DIO1: variants seen among roughly 807,000 people sequenced by gnomAD.
The protein encoded by DIO1 is iodothyronine deiodinase 1, also known as type I iodothyronine deiodinase.
Under a neutral mutation model 25.9 loss-of-function variants are expected in DIO1, and 17 were observed. That is an observed-to-expected ratio of 0.66 (90% CI 0.45 to 0.98). The LOEUF is 0.98. Among genes scored for constraint, DIO1 ranks in the 50% least tolerant of loss-of-function variants. The pLI is 0.00. For synonymous variants in DIO1, 115 were observed against 114.0 expected (o/e 1.01, Z -0.05); for missense variants, 270 against 310.4 (o/e 0.87, Z 0.98).
chr1:53,899,461 C>T (rs1402722057), intron 1 of DIO1, among the ~76,000 whole-genome samples: 1 of 152,164 alleles, frequency 6.6e-6, no homozygotes, highest in East Asian at 1.9e-4. Flanking sequence ...TGCACCCATC[C>T]TTTACCTCTC....
At chr1:53,902,755 T>C (rs1247536390) in intron 1 of DIO1, among the ~76,000 whole-genome samples, 2 of 151,822 alleles carry the variant, frequency 1.3e-5, no homozygotes, top group African/African-American at 2.4e-5. Context: ...TTCATGGACA[T>C]GGGACCAGTG....
chr1:53,910,174 A>C lies in DIO1; in HGVS notation c.*175A>C. 1 of 611,908 alleles carries C rather than the reference A, an allele frequency of 1.6e-6. No individual in the cohort carries two copies. The highest frequency in any genetic ancestry group is 2.8e-5 in the East Asian group (1 of 35,630). 37.9% of individuals were successfully genotyped at this position (611,908 alleles called of 1,614,324 possible). ...CTGAGGAATGCAGGCCACAGCACCC[A>C]ATCAAGACAAATTGTTATTATCAGA... On this transcript the variant is annotated 3_prime_UTR_variant, in exon 4 of 4. Coordinates refer to ENST00000361921, the MANE Select transcript of DIO1 (RefSeq NM_000792.7).
At position 53,910,736 on chromosome 1, in the gene DIO1, C is replaced by A. The variant is rs1388303152; in HGVS notation, c.*737C>A. 6.6e-6 allele frequency: 1 copy of A among 152,274 alleles called. No individual in the cohort carries two copies. The highest frequency in any genetic ancestry group is 1.5e-5 in the Non-Finnish European group (1 of 68,058). 9.4% of individuals were successfully genotyped at this position (152,274 alleles called of 1,614,324 possible). A position where few individuals can be genotyped will look rare whatever the true frequency, so the allele number is the denominator to read the frequency against. On this transcript the variant is annotated 3_prime_UTR_variant, in exon 4 of 4. Coordinates refer to ENST00000361921, the MANE Select transcript of DIO1 (RefSeq NM_000792.7). Reference sequence around the variant, plus strand: ...GCTCTCTGTACCCTGAAATCTTCCACTAGCCTCACTTTTCAACAGAGTCAT... The same window carrying A: ...GCTCTCTGTACCCTGAAATCTTCCAATAGCCTCACTTTTCAACAGAGTCAT...
At chr1:53,898,744 CAA>C (rs60469690) in intron 1 of DIO1, among the ~76,000 whole-genome samples, 15 of 106,582 alleles carry the variant, frequency 1.4e-4, no homozygotes, top group Admixed American at 4.0e-4. Flanking sequence ...GACTCTGTCT[CAA>C]AAAAAAAAAA....
intron 1 of DIO1, among the ~76,000 whole-genome samples, chr1:53,898,744 C>CAAAAAAAAAAAAAAAA (rs60469690): frequency 9.4e-6 from 1 of 106,626 alleles, no homozygotes; most frequent in Non-Finnish European, 1.9e-5. Context: ...GACTCTGTCT[C>CAAAAAAAAAAAAAAAA]AAAAAAAAAA....
At chr1:53,903,708 G>A (rs1651494933) in intron 1 of DIO1, among the ~76,000 whole-genome samples, 1 of 151,768 alleles carries the variant, frequency 6.6e-6, no homozygotes, top group African/African-American at 2.4e-5. Context: ...AATTAGCCAG[G>A]TGTGGTGGTG....
At chr1:53,905,855 G>C (rs1380440867) in intron 2 of DIO1, among the ~76,000 whole-genome samples, 2 of 152,196 alleles carry the variant, frequency 1.3e-5, no homozygotes, top group African/African-American at 4.8e-5. Context: ...AAGGAGTGCT[G>C]GTTTATTGGA....
At chr1:53,897,981 G>A (rs1651164872) in intron 1 of DIO1, among the ~76,000 whole-genome samples, 2 of 152,176 alleles carry the variant, frequency 1.3e-5, no homozygotes, top group Admixed American at 6.5e-5. Context: ...TGAAATCATA[G>A]GTACTAACAA....
chr1:53,898,467 G>A (rs1277768117), intron 1 of DIO1, among the ~76,000 whole-genome samples: 1 of 152,206 alleles, frequency 6.6e-6, no homozygotes, highest in Non-Finnish European at 1.5e-5. Context: ...GACATTGGCC[G>A]AGCATGGTGG....
At position 53,900,635 on chromosome 1, in the gene DIO1, G is replaced by A. The variant is rs573297644; in HGVS notation, c.338-4031G>A. Among the ~76,000 whole-genome samples the A allele has an allele frequency of 2.0e-5, 3 of 152,178 alleles. No individual in the cohort carries two copies. The East Asian group carries it at 5.8e-4, about 29-fold the overall frequency. ...AAAAAATAAAAAAATTCCATTTAAT[G>A]TGTTAGTATAGGTGTAAGGAGCTTT... On this transcript the variant is annotated intron_variant, in intron 1 of 3. Coordinates refer to ENST00000361921, the MANE Select transcript of DIO1 (RefSeq NM_000792.7).
intron 1 of DIO1, among the ~76,000 whole-genome samples, chr1:53,903,848 T>C (rs1261180820): frequency 6.6e-6 from 1 of 151,724 alleles, no homozygotes; most frequent in African/African-American, 2.4e-5. Flanking sequence ...CTCAAAAAAA[T>C]AAAAAAGAAA....
intron 3 of DIO1, among the ~76,000 whole-genome samples, chr1:53,909,262 A>G (rs1651815568): frequency 6.8e-6 from 1 of 146,774 alleles, no homozygotes; most frequent in Non-Finnish European, 1.5e-5. Context: ...CTAAAAATAC[A>G]AAAATTAGCC....
chr1:53,902,988 G>C (rs61774849), intron 1 of DIO1: 2 of 30,094 alleles, frequency 6.6e-5, no homozygotes, highest in African/African-American at 1.2e-4. Context: ...GCTTGCACAG[G>C]CTCCTGCCTT....
chr1:53,898,374 T>C (rs936328939), intron 1 of DIO1, among the ~76,000 whole-genome samples: 1 of 152,126 alleles, frequency 6.6e-6, no homozygotes, highest in African/African-American at 2.4e-5. Flanking sequence ...TAGCTGCAGG[T>C]TGACTTTATC....
At position 53,894,350 on chromosome 1, in the gene DIO1, A is replaced by G; in HGVS notation, c.140A>G (p.Lys47Arg). Reference protein sequence around the residue: ...VKRNILAMGEKTGMTRNPHFS... With the variant: ...VKRNILAMGERTGMTRNPHFS... ...CGGAACATCCTGGCCATGGGCGAGAAGACGGGTATGACCAGGAACCCCCAT... is the reference window on the plus strand; with the variant it reads ...CGGAACATCCTGGCCATGGGCGAGAGGACGGGTATGACCAGGAACCCCCAT... The change falls in exon 1 of 4, where the codon AAG (lysine) becomes AGG (arginine). Residue 47 changes from lysine (K) to arginine (R), a missense_variant. Coordinates refer to ENST00000361921, the MANE Select transcript of DIO1 (RefSeq NM_000792.7). This position sits in a 1 kb window ranked among gnomAD's most constrained non-coding sequence, Gnocchi z 4.9. The G allele has an allele frequency of 6.2e-7, 1 of 1,614,256 alleles. No homozygotes were observed. The highest frequency in any genetic ancestry group is 8.5e-7 in the Non-Finnish European group (1 of 1,180,048).
chr1:53,894,458 A>G lies in DIO1; in HGVS notation c.248A>G (p.Glu83Gly), dbSNP rs1347009011. 1.2e-6 allele frequency: 2 copies of G among 1,614,096 alleles called. No homozygotes were observed. The highest frequency in any genetic ancestry group is 1.3e-5 in the African/African-American group (1 of 74,918). The change falls in exon 1 of 4, where the codon GAG (glutamate) becomes GGG (glycine). Residue 83 changes from glutamate (E) to glycine (G), a missense_variant. Physicochemically the swap from Glu to Gly is moderately conservative, Grantham distance 98. Transcript: ENST00000361921. This position sits in a 1 kb window ranked among gnomAD's most constrained non-coding sequence, Gnocchi z 4.9. The part of the protein sequence containing the change: ...FVLKVRWQRL[E>G]DTTELGGLAP... ...TTGAAGGTCCGTTGGCAGCGACTAG[A>G]GGACACGACTGAGCTAGGGGGTCTG...
At chr1:53,904,397 C>T (rs549683138) in intron 1 of DIO1, among the ~76,000 whole-genome samples, 1 of 152,196 alleles carries the variant, frequency 6.6e-6, no homozygotes, top group East Asian at 1.9e-4. Flanking sequence ...ATGAAAGGGA[C>T]TCCTCTTATA....
At chr1:53,904,140 C>T (rs929726479) in intron 1 of DIO1, among the ~76,000 whole-genome samples, 1 of 152,196 alleles carries the variant, frequency 6.6e-6, no homozygotes, top group African/African-American at 2.4e-5. Flanking sequence ...AACAGTGCTA[C>T]AAAGGATTAT....
chr1:53,895,976 C>T (rs529656772), intron 1 of DIO1, among the ~76,000 whole-genome samples: 12 of 152,246 alleles, frequency 7.9e-5, no homozygotes, highest in South Asian at 2.1e-4. Context: ...TCTCTCCCTT[C>T]GGCTCATGGC....
Sources: gnomAD v4.1 joint callset for allele counts (sites outside exome capture counted in the v4.1 genomes callset) on GRCh38, gnomAD v4.1.1 for gene constraint, Gnocchi (gnomAD v3.1) non-coding constraint, MANE v1.5 for transcripts, NCBI Gene and HGNC (gene_info 2026-07-23, HGNC 2026-07-21) for gene names.